The following IL1RAPL1 variants were observed in gnomAD, a reference collection of about 807,000 sequenced individuals.
The protein encoded by IL1RAPL1 is interleukin 1 receptor accessory protein like 1.
A neutral mutation model predicts 48.4 loss-of-function variants in IL1RAPL1; 3 were observed. That is an observed-to-expected ratio of 0.06 (90% CI 0.03 to 0.16). The LOEUF (loss-of-function observed/expected upper bound fraction) is 0.16, where lower values mean the gene tolerates loss of function less well. IL1RAPL1 is among the 10% of genes least tolerant of loss of function. The pLI is 1.00. For missense variants in IL1RAPL1, 349 were observed against 530.6 expected (o/e 0.66, Z 3.36); for synonymous variants, 185 against 187.7 (o/e 0.99, Z 0.12).
chrX:29,082,811 T>C (rs1019076767), intron 2 of IL1RAPL1, among the ~76,000 whole-genome samples: 5 of 112,113 alleles, frequency 4.5e-5, no homozygotes, highest in Non-Finnish European at 9.4e-5. Flanking sequence ...TACCTAATGT[T>C]CTCACGATGA....
intron 2 of IL1RAPL1, among the ~76,000 whole-genome samples, chrX:28,859,920 TTATAA>T (rs1298824038): frequency 4.5e-5 from 5 of 111,025 alleles, no homozygotes; most frequent in South Asian, 3.7e-4. Context: ...AAGATTATTG[TTATAA>T]TATAAATTTG....
At chrX:29,873,440 C>T (rs1455015277) in intron 6 of IL1RAPL1, among the ~76,000 whole-genome samples, 2 of 106,268 alleles carry the variant, frequency 1.9e-5, no homozygotes, top group Non-Finnish European at 3.9e-5. Context: ...AAAGTGAGAC[C>T]TTTAGGAGTT....
At chrX:29,315,309 A>G (rs1392929988) in intron 3 of IL1RAPL1, among the ~76,000 whole-genome samples, 1 of 111,942 alleles carries the variant, frequency 8.9e-6, no homozygotes, top group Non-Finnish European at 1.9e-5. Context: ...GATAATTCCA[A>G]CCAGAGGATG....
intron 1 of IL1RAPL1, among the ~76,000 whole-genome samples, chrX:28,744,148 A>G (rs972123540): frequency 9.0e-6 from 1 of 110,791 alleles, no homozygotes; most frequent in African/African-American, 3.3e-5. Flanking sequence ...TTCAAAATGT[A>G]TATCTTATAC....
At chrX:29,652,377 T>A (rs1430306038) in intron 5 of IL1RAPL1, among the ~76,000 whole-genome samples, 4 of 111,270 alleles carry the variant, frequency 3.6e-5, no homozygotes, top group Non-Finnish European at 7.6e-5. Context: ...ACCTACAAGT[T>A]GACATCTGTG....
chrX:28,624,295 T>C (rs1934315344), intron 1 of IL1RAPL1, among the ~76,000 whole-genome samples: 1 of 111,906 alleles, frequency 8.9e-6, no homozygotes, highest in Non-Finnish European at 1.9e-5. Flanking sequence ...TCCATTTTAT[T>C]TACCAAGAGG....
At chrX:29,703,025 ATCTTCTTACCTT>A (rs1927095016) in intron 6 of IL1RAPL1, among the ~76,000 whole-genome samples, 1 of 112,293 alleles carries the variant, frequency 8.9e-6, no homozygotes, top group Non-Finnish European at 1.9e-5. Flanking sequence ...TCATCTTAGC[ATCTTCTTACCTT>A]AAATGAGTAT....
At chrX:29,295,596 A>C (rs1314279065) in intron 3 of IL1RAPL1, among the ~76,000 whole-genome samples, 2 of 112,032 alleles carry the variant, frequency 1.8e-5, no homozygotes, top group Non-Finnish European at 3.8e-5. Context: ...AATCTTAGAA[A>C]TAACGGTGGC....
chrX:28,922,404 C>T (rs1464956598), intron 2 of IL1RAPL1, among the ~76,000 whole-genome samples: 1 of 111,530 alleles, frequency 9.0e-6, no homozygotes, highest in Admixed American at 9.5e-5. Flanking sequence ...ATTCCATCAT[C>T]GGCACATATC....
chrX:28,651,836 C>T (rs1222949297), intron 1 of IL1RAPL1, among the ~76,000 whole-genome samples: 1 of 111,436 alleles, frequency 9.0e-6, no homozygotes, highest in Non-Finnish European at 1.9e-5. Flanking sequence ...TACTTTAGCA[C>T]GACAGAGTTA....
intron 5 of IL1RAPL1, among the ~76,000 whole-genome samples, chrX:29,533,027 G>A (rs750719744): frequency 8.9e-6 from 1 of 112,053 alleles, no homozygotes; most frequent in South Asian, 3.8e-4. Context: ...AGACATAACA[G>A]TCTAATAAAA....
chrX:29,628,161 T>C (rs1368928977), intron 5 of IL1RAPL1, among the ~76,000 whole-genome samples: 1 of 112,390 alleles, frequency 8.9e-6, no homozygotes, highest in Non-Finnish European at 1.9e-5. Context: ...GTTGTTTTTG[T>C]TCTTCTTAAA....
At chrX:28,948,628 T>C (rs1348364254) in intron 2 of IL1RAPL1, among the ~76,000 whole-genome samples, 1 of 111,834 alleles carries the variant, frequency 8.9e-6, no homozygotes, top group Non-Finnish European at 1.9e-5. Context: ...GAATTTTAGA[T>C]GGTACATGTA....
intron 1 of IL1RAPL1, among the ~76,000 whole-genome samples, chrX:28,735,795 T>A (rs1935816049): frequency 9.0e-6 from 1 of 110,734 alleles, no homozygotes; most frequent in South Asian, 3.8e-4. Context: ...AAAAAAAAAA[T>A]TAGAATCTTA....
chrX:28,865,209 G>A (rs1293939464), intron 2 of IL1RAPL1, among the ~76,000 whole-genome samples: 3 of 111,283 alleles, frequency 2.7e-5, no homozygotes, highest in Admixed American at 9.5e-5. Flanking sequence ...AGGTCAAGGC[G>A]GGCAGATCAC....
At chrX:29,347,954 C>T (rs911526102) in intron 3 of IL1RAPL1, among the ~76,000 whole-genome samples, 17 of 111,384 alleles carry the variant, frequency 1.5e-4, no homozygotes, top group African/African-American at 5.6e-4. Context: ...TTGGGCAGAC[C>T]AGAGCTGGAC....
intron 6 of IL1RAPL1, among the ~76,000 whole-genome samples, chrX:29,723,275 G>T (rs1338348350): frequency 8.9e-6 from 1 of 112,252 alleles, no homozygotes; most frequent in Non-Finnish European, 1.9e-5. Context: ...TTGAGAAAGG[G>T]TCTTGCTCTA....
chrX:29,046,658 A>G (rs1023491609), intron 2 of IL1RAPL1, among the ~76,000 whole-genome samples: 1 of 111,923 alleles, frequency 8.9e-6, no homozygotes, highest in African/African-American at 3.2e-5. Context: ...CTCCAGTTCC[A>G]GAATCAGTGA....
At chrX:28,798,633 T>C (rs1309838462) in intron 2 of IL1RAPL1, among the ~76,000 whole-genome samples, 1 of 112,339 alleles carries the variant, frequency 8.9e-6, no homozygotes, top group Non-Finnish European at 1.9e-5. Flanking sequence ...TTTAGCTTAC[T>C]GCAACTGGCA....
Sources: gnomAD v4.1 joint callset for allele counts (sites outside exome capture counted in the v4.1 genomes callset) on GRCh38, gnomAD v4.1.1 for gene constraint, MANE v1.5 for transcripts, NCBI Gene and HGNC (gene_info 2026-07-23, HGNC 2026-07-21) for gene names.